The following RACGAP1 variants were observed in gnomAD, a reference collection of about 807,000 sequenced individuals.
RACGAP1 encodes the protein Rac GTPase activating protein 1.
In RACGAP1, 30 loss-of-function variants were observed where a neutral mutation model predicts 78.1. The observed-to-expected ratio is 0.38, with a 90% CI of 0.29 to 0.52. RACGAP1 has a LOEUF of 0.52. Among genes scored for constraint, RACGAP1 ranks in the 20% least tolerant of loss-of-function variants. The pLI, the probability that RACGAP1 is intolerant of heterozygous loss-of-function variation, is 0.82. For synonymous variants in RACGAP1, 231 were observed against 264.8 expected (o/e 0.87, Z 1.24); for missense variants, 587 against 777.1 (o/e 0.76, Z 2.91).
At chr12:50,004,519 T>C (rs1366424604) in intron 4 of RACGAP1, among the ~76,000 whole-genome samples, 1 of 152,180 alleles carries the variant, frequency 6.6e-6, no homozygotes, top group African/African-American at 2.4e-5. Context: ...TGCAACACAG[T>C]TGCTTTTTCA....
At position 49,996,628 on chromosome 12, in the gene RACGAP1, TAAAAAAAAAAAAAAA is replaced by T. The variant is rs57512055; in HGVS notation, c.1044+397_1044+411del. ...TGCACTCCAGCCTAGGCAATAGAGC[TAAAAAAAAAAAAAAA>T]AAAAAAAAAAAAAAAAAAAAAAAAA... On this transcript the variant is annotated intron_variant, in intron 10 of 16. Transcript: ENST00000312377. Among the ~76,000 whole-genome samples, 186 of 18,976 alleles carry T rather than the reference TAAAAAAAAAAAAAAA, an allele frequency of 9.8e-3. 1 individual carries two copies. The East Asian group carries it at 0.12, about 12-fold the overall frequency. The allele number at this position is 18,976 out of a possible 152,430, so 12.4% of individuals were successfully genotyped here. A position where few individuals can be genotyped will look rare whatever the true frequency, so the allele number is the denominator to read the frequency against.
chr12:49,999,970 G>A (rs1948557795), intron 7 of RACGAP1, among the ~76,000 whole-genome samples: 1 of 151,140 alleles, frequency 6.6e-6, no homozygotes, highest in African/African-American at 2.4e-5. Context: ...TCCTGCCTCA[G>A]CCTTCTGAGT....
At chr12:49,990,563 C>T in intron 16 of RACGAP1, 121 bp downstream of exon 16, 1 of 871,934 alleles carries the variant, frequency 1.1e-6, no homozygotes, top group Non-Finnish European at 1.8e-6. Context: ...CCCACGTTCC[C>T]TTTTAAAGTC....
intron 1 of RACGAP1, among the ~76,000 whole-genome samples, chr12:50,019,304 T>C (rs1414032922): frequency 6.6e-6 from 1 of 152,162 alleles, no homozygotes; most frequent in Non-Finnish European, 1.5e-5. Context: ...GAATTAAACT[T>C]TACCATATGA....
upstream of RACGAP1, among the ~76,000 whole-genome samples, chr12:50,026,482 C>T (rs888199095): frequency 1.3e-5 from 2 of 151,976 alleles, no homozygotes; most frequent in African/African-American, 4.8e-5. Context: ...TAGTTAATAA[C>T]AAAGTATAAT....
chr12:50,022,303 C>T (rs1950051029), intron 1 of RACGAP1, among the ~76,000 whole-genome samples: 1 of 152,186 alleles, frequency 6.6e-6, no homozygotes, highest in African/African-American at 2.4e-5. Flanking sequence ...GTAAAACAGG[C>T]TAGGTGTGGT....
upstream of RACGAP1, among the ~76,000 whole-genome samples, chr12:50,033,348 C>T (rs1322962661): frequency 2.0e-5 from 3 of 151,882 alleles, no homozygotes; most frequent in African/African-American, 7.3e-5. Flanking sequence ...TTCTGGGGGT[C>T]CAGGGAGGGA....
At chr12:49,998,808 G>A (rs1014255107) in intron 9 of RACGAP1, among the ~76,000 whole-genome samples, 6 of 151,904 alleles carry the variant, frequency 3.9e-5, no homozygotes, top group African/African-American at 1.5e-4. Flanking sequence ...TGAGGCAGGA[G>A]GATTGCTTGA....
At chr12:50,021,160 C>T (rs1256746936) in intron 1 of RACGAP1, 6 of 975,074 alleles carry the variant, frequency 6.2e-6, no homozygotes, top group Non-Finnish European at 7.3e-6. Flanking sequence ...ATTATTTAGT[C>T]CATAGCTAGG....
chr12:50,029,880 G>A (rs577423053), upstream of RACGAP1, among the ~76,000 whole-genome samples: 4 of 151,858 alleles, frequency 2.6e-5, no homozygotes, highest in South Asian at 8.3e-4. Flanking sequence ...GCAACAGAGC[G>A]AGACTCCGTC....
chr12:50,016,506 A>C (rs527922698), intron 2 of RACGAP1, 125 bp downstream of exon 2: 61 of 988,542 alleles, frequency 6.2e-5, no homozygotes, highest in South Asian at 4.2e-4. Flanking sequence ...GTAAGTGATC[A>C]CTGCTTTCTT....
At chr12:49,997,378 G>A (rs1470582052) in intron 9 of RACGAP1, among the ~76,000 whole-genome samples, 174 bp from the exon 10 acceptor site, 7 of 150,804 alleles carry the variant, frequency 4.6e-5, no homozygotes, top group East Asian at 1.9e-4. Context: ...AGGTTCAAGC[G>A]ATTCTCCTGT....
At chr12:50,019,284 C>G (rs1417929418) in intron 1 of RACGAP1, among the ~76,000 whole-genome samples, 1 of 152,158 alleles carries the variant, frequency 6.6e-6, no homozygotes, top group Non-Finnish European at 1.5e-5. Flanking sequence ...GATACAAACT[C>G]TTTGCACTTG....
intron 1 of RACGAP1, 148 bp downstream of exon 1, chr12:50,025,250 G>T: frequency 1.0e-6 from 1 of 956,782 alleles, no homozygotes; most frequent in Non-Finnish European, 1.2e-6. Flanking sequence ...CCCCAGAAAA[G>T]CCCGAGTGGA....
At chr12:50,023,032 G>A (rs1349049720) in intron 1 of RACGAP1, among the ~76,000 whole-genome samples, 1 of 152,150 alleles carries the variant, frequency 6.6e-6, no homozygotes, top group African/African-American at 2.4e-5. Context: ...TTTATTGTCT[G>A]TTTCTCCTCT....
chr12:49,989,645 A>G lies in RACGAP1; in HGVS notation c.*623T>C, dbSNP rs1193625643. The G allele has an allele frequency of 6.6e-6, 1 of 152,240 alleles. No homozygotes were observed. The highest frequency in any genetic ancestry group is 1.5e-5 in the Non-Finnish European group (1 of 68,044). 9.4% of individuals were successfully genotyped at this position (152,240 alleles called of 1,614,324 possible). ...CATTTACAAGGTTGTGCCACTCAAC[A>G]CTATTAAAGACCTAATCATCCAAAT... On this transcript the variant is annotated 3_prime_UTR_variant, in exon 17 of 17. Transcript: ENST00000312377.
At chr12:50,003,688 G>A (rs1038377934) in intron 5 of RACGAP1, among the ~76,000 whole-genome samples, 3 of 152,118 alleles carry the variant, frequency 2.0e-5, no homozygotes, top group African/African-American at 7.2e-5. Flanking sequence ...GAAGTGTGCC[G>A]CCCCATAAAA....
At chr12:50,021,140 C>T (rs1949984121) in intron 1 of RACGAP1, 4 of 980,028 alleles carry the variant, frequency 4.1e-6, no homozygotes, top group South Asian at 4.7e-5. Context: ...TTGTTTATTT[C>T]CCCCCATGTA....
Position 49,997,079 on chromosome 12 carries a change from G to T in RACGAP1, c.1005C>A (p.Cys335Ter). 1.9e-6 allele frequency: 3 copies of T among 1,593,734 alleles called. No homozygotes were observed. The highest frequency in any genetic ancestry group is 2.6e-6 in the Non-Finnish European group (3 of 1,165,000). Residue 335 changes from cysteine (C) to a stop codon, truncating the protein, a stop_gained, in exon 10 of 17, where the codon TGC becomes TGA. Transcript: ENST00000312377. LOFTEE classifies it high-confidence loss of function. ...PECRDRCPLP[C>*]IPTLIGTPVK... ...CAGGTGTTCCTATCAGGGTAGGAAT[G>T]CAGGGAAGGGGACAGCGGTCCCGAC...
Sources: allele counts gnomAD v4.1 joint callset (sites outside exome capture counted in the v4.1 genomes callset), GRCh38; gene constraint gnomAD v4.1.1; transcripts MANE v1.5; gene names NCBI Gene and HGNC (gene_info 2026-07-23, HGNC 2026-07-21).